Variants in PCDHGA6 observed in about 807,000 individuals in gnomAD.
PCDHGA6 encodes protocadherin gamma-A6.
In PCDHGA6, 41 loss-of-function variants were observed where a neutral mutation model predicts 60.6. The ratio of observed to expected loss-of-function variants is 0.68; its 90% confidence interval spans 0.53 to 0.88. The LOEUF (loss-of-function observed/expected upper bound fraction) is 0.88, where lower values mean the gene tolerates loss of function less well. PCDHGA6 is among the 40% of genes least tolerant of loss of function. The pLI, the probability that PCDHGA6 is intolerant of heterozygous loss-of-function variation, is 0.00. For missense variants in PCDHGA6, 1,312 were observed against 1,203.0 expected (o/e 1.09, Z -1.34); for synonymous variants, 594 against 524.4 (o/e 1.13, Z -1.81).
chr5:141,444,545 CA>C (rs1264288836), intron 1 of PCDHGA6, among the ~76,000 whole-genome samples: 7 of 152,042 alleles, frequency 4.6e-5, no homozygotes, highest in Admixed American at 6.6e-5. Flanking sequence ...GTCTAGTGAG[CA>C]AAAGGCACTT....
At chr5:141,497,807 T>G (rs2099779585) in intron 2 of PCDHGA6, among the ~76,000 whole-genome samples, 1 of 152,210 alleles carries the variant, frequency 6.6e-6, no homozygotes, top group African/African-American at 2.4e-5. Context: ...CCCAAAGTGC[T>G]AGAATTACAG....
At chr5:141,415,524 C>G in intron 1 of PCDHGA6, 1 of 1,614,154 alleles carries the variant, frequency 6.2e-7, no homozygotes, top group Non-Finnish European at 8.5e-7. Context: ...CGGACACGCT[C>G]ATCAGCCAGG....
intron 1 of PCDHGA6, chr5:141,408,068 C>G: frequency 7.3e-7 from 1 of 1,367,282 alleles, no homozygotes; most frequent in Non-Finnish European, 9.7e-7. Flanking sequence ...GCTGCGCAGA[C>G]CTTTCCCAGC....
chr5:141,508,799 C>T (rs962590711), intron 3 of PCDHGA6, among the ~76,000 whole-genome samples: 1 of 152,110 alleles, frequency 6.6e-6, no homozygotes, highest in Non-Finnish European at 1.5e-5. Context: ...ACTCTGGAAT[C>T]CTGGCTCTTT....
Position 141,476,525 on chromosome 5 carries a change from A to T in PCDHGA6, c.2425-18282A>T, listed in dbSNP as rs766638463. On this transcript the variant is annotated intron_variant, in intron 1 of 3. Coordinates refer to ENST00000517434, the MANE Select transcript of PCDHGA6 (RefSeq NM_018919.3). This position sits in a 1 kb window ranked among gnomAD's most constrained non-coding sequence, Gnocchi z 7.6. ...CAACGACAACAATCCTGCTTTCCCTACCCAGGAAATGAAATTGGAGATTAG... is the reference window on the plus strand; with the variant it reads ...CAACGACAACAATCCTGCTTTCCCTTCCCAGGAAATGAAATTGGAGATTAG... The T allele has an allele frequency of 6.2e-7, 1 of 1,614,068 alleles. No homozygotes were observed. The highest frequency in any genetic ancestry group is 2.2e-5 in the East Asian group (1 of 44,854).
chr5:141,390,101 CA>C (rs1212774339), intron 1 of PCDHGA6: 8 of 1,613,946 alleles, frequency 5.0e-6, no homozygotes, highest in Non-Finnish European at 6.8e-6. Flanking sequence ...TGGTTCCCCC[CA>C]ACTACAGCGA....
At chr5:141,408,558 T>A (rs748858215) in intron 1 of PCDHGA6, 48 of 1,613,898 alleles carry the variant, frequency 3.0e-5, no homozygotes, top group Non-Finnish European at 5.9e-6. Context: ...ATTTTTCATG[T>A]CATTGTGGTG....
chr5:141,495,415 C>T (rs1385371906), intron 2 of PCDHGA6, among the ~76,000 whole-genome samples: 1 of 152,194 alleles, frequency 6.6e-6, no homozygotes, highest in Admixed American at 6.5e-5. Context: ...TTCTCCGGCC[C>T]CTCCTCCCAC....
intron 1 of PCDHGA6, chr5:141,418,849 G>T (rs1479117344): frequency 1.5e-5 from 25 of 1,613,886 alleles, no homozygotes; most frequent in Non-Finnish European, 1.8e-5. Context: ...TCTCAACACG[G>T]TGTAAAGTAA....
chr5:141,409,715 G>C (rs2095305446), intron 1 of PCDHGA6: 9 of 1,613,084 alleles, frequency 5.6e-6, no homozygotes, highest in Admixed American at 1.7e-5. Flanking sequence ...GTCGTCATAC[G>C]TGTCAGTGAG....
chr5:141,392,929 C>T (rs1474626800), intron 1 of PCDHGA6: 6 of 1,613,770 alleles, frequency 3.7e-6, no homozygotes, highest in Non-Finnish European at 5.1e-6. Flanking sequence ...CCAGAAGAGA[C>T]GGACAAAGGC....
chr5:141,511,077 T>C lies in PCDHGA6; in HGVS notation c.2703T>C (p.Asn901=), dbSNP rs1279500774. ...YRQNVYIPGS[N]ATLTNAAGKR... is the part of the protein sequence containing the mutation. ...AGAATGTCTACATCCCAGGCAGCAA[T>C]GCCACACTGACCAACGCAGCTGGCA... is the stretch of plus-strand genomic sequence containing the variant. Residue 901 remains asparagine, a synonymous_variant, in exon 4 of 4, where the codon AAT becomes AAC. Transcript: ENST00000517434. 5 of 1,614,062 alleles carry C rather than the reference T, an allele frequency of 3.1e-6. No individual in the cohort carries two copies. The African/African-American group carries it at 6.7e-5, about 22-fold the overall frequency.
intron 1 of PCDHGA6, chr5:141,442,020 A>G (rs1461958612): frequency 4.6e-6 from 1 of 219,170 alleles, no homozygotes; most frequent in South Asian, 5.2e-5. Context: ...GATGGGCCAC[A>G]GGAAAGCGAC....
At chr5:141,409,786 C>A in intron 1 of PCDHGA6, 11 of 1,612,124 alleles carry the variant, frequency 6.8e-6, no homozygotes, top group Non-Finnish European at 9.3e-6. Flanking sequence ...TGCGCGCCTT[C>A]GCGCTCACGC....
intron 1 of PCDHGA6, chr5:141,384,825 CG>C (rs1780562640): frequency 1.2e-6 from 2 of 1,613,472 alleles, no homozygotes; most frequent in Non-Finnish European, 1.7e-6. Context: ...AGCAGAGCCT[CG>C]TGGTGGCCGT....
rs1342408505 is a variant in PCDHGA6 at position 141,409,977 on chromosome 5, T to C, written c.2424+33470T>C. The C allele has an allele frequency of 1.2e-6, 2 of 1,613,300 alleles. No individual in the cohort carries two copies. Among genetic ancestry groups the C allele is most frequent in the African/African-American group, 2.7e-5 (2 of 75,026 alleles). ...CCCGGCTACCTAGTGACTAAGGTGGTAGCGGTGGACGCCGACTCGGGACAC... is the reference window on the plus strand; with the variant it reads ...CCCGGCTACCTAGTGACTAAGGTGGCAGCGGTGGACGCCGACTCGGGACAC... On this transcript the variant is annotated intron_variant, in intron 1 of 3. Transcript: ENST00000517434.
chr5:141,500,403 G>GT (rs2099800018), intron 2 of PCDHGA6, among the ~76,000 whole-genome samples: 1 of 151,706 alleles, frequency 6.6e-6, no homozygotes, highest in Non-Finnish European at 1.5e-5. Context: ...TAGAGACGGG[G>GT]TTTCACCGTG....
In PCDHGA6 at chr5:141,432,139, T is replaced by A. The variant is rs950514553; in HGVS notation, c.2424+55632T>A. ...TCCCTCAGGCCTCCTATTCCGCTTA[T>A]ATCCCAGAGAACAATCCCAGAGGAG... is the stretch of plus-strand genomic sequence containing the variant. On this transcript the variant is annotated intron_variant, in intron 1 of 3. Transcript: ENST00000517434. The surrounding 1 kb of genome is among the most constrained non-coding windows in gnomAD (Gnocchi z 6.0). The A allele has an allele frequency of 6.8e-6, 11 of 1,613,976 alleles. No individual in the cohort carries two copies. Among genetic ancestry groups the A allele is most frequent in the Non-Finnish European group, 9.3e-6 (11 of 1,180,032 alleles).
Position 141,476,191 on chromosome 5 carries a change from C to T in PCDHGA6, c.2425-18616C>T. The T allele has an allele frequency of 6.2e-7, 1 of 1,613,860 alleles. No homozygotes were observed. The highest frequency in any genetic ancestry group is 8.5e-7 in the Non-Finnish European group (1 of 1,180,006). ...TGGGAGTTTTGCTTCTGCTTGGTGC[C>T]TTGAACAAGGCTTCCACGGTCATTC... On this transcript the variant is annotated intron_variant, in intron 1 of 3. Transcript: ENST00000517434. This position sits in a 1 kb window ranked among gnomAD's most constrained non-coding sequence, Gnocchi z 7.6.
Sources: allele counts gnomAD v4.1 joint callset (sites outside exome capture counted in the v4.1 genomes callset), GRCh38; gene constraint gnomAD v4.1.1; non-coding constraint Gnocchi (gnomAD v3.1); transcripts MANE v1.5; gene names NCBI Gene and HGNC (gene_info 2026-07-23, HGNC 2026-07-21).